SYNPR: variants seen among roughly 807,000 people sequenced by gnomAD.
SYNPR encodes the protein synaptoporin.
In SYNPR, 23 loss-of-function variants were observed where a neutral mutation model predicts 32.9. The observed-to-expected ratio is 0.70, with a 90% confidence interval of 0.50 to 0.99. The LOEUF is 0.99. SYNPR is among the 50% of genes least tolerant of loss of function. SYNPR has a pLI of 0.00. For missense variants in SYNPR, 318 were observed against 349.3 expected, an observed-to-expected ratio of 0.91 and a Z score of 0.71; for synonymous variants, 146 against 135.9, an observed-to-expected ratio of 1.07 and a Z score of -0.52.
chr3:63,433,133 G>T (rs1700022345), intron 2 of SYNPR, among the ~76,000 whole-genome samples: 1 of 152,194 alleles, frequency 6.6e-6, no homozygotes, highest in Admixed American at 6.5e-5. Context: ...AGCTTTTTCT[G>T]AATAGGGTCT....
At chr3:63,565,729 C>T (rs1479392340) in intron 4 of SYNPR, among the ~76,000 whole-genome samples, 1 of 152,150 alleles carries the variant, frequency 6.6e-6, no homozygotes, top group Non-Finnish European at 1.5e-5. Context: ...CAATGAGGCA[C>T]CATCTTGGAG....
intron 2 of SYNPR, among the ~76,000 whole-genome samples, chr3:63,369,104 T>A (rs2087764889): frequency 1.3e-5 from 2 of 152,136 alleles, no homozygotes; most frequent in Admixed American, 6.5e-5. Flanking sequence ...ATGAGGCCCT[T>A]AGAGTGGGAA....
intron 2 of SYNPR, among the ~76,000 whole-genome samples, chr3:63,288,746 A>T (rs993460216): frequency 6.6e-6 from 1 of 152,090 alleles, no homozygotes; most frequent in Non-Finnish European, 1.5e-5. Flanking sequence ...TATTATATTC[A>T]TTTCTTGTGT....
chr3:63,276,901 ACC>A (rs75226584), upstream of SYNPR, among the ~76,000 whole-genome samples: 44,539 of 130,654 alleles, frequency 0.34, 7,847 homozygotes, highest in Non-Finnish European at 0.43. Flanking sequence ...TCAAATACCC[ACC>A]CCCCCCACCA....
the SYNPR span, among the ~76,000 whole-genome samples, chr3:63,211,172 A>C: frequency 1.2e-4 from 19 of 152,154 alleles, no homozygotes; most frequent in Non-Finnish European, 2.2e-4. Flanking sequence ...GGGTTCAAGC[A>C]GTTCCCTGCC....
At chr3:63,221,042 G>A in the SYNPR span, among the ~76,000 whole-genome samples, 1 of 152,110 alleles carries the variant, frequency 6.6e-6, no homozygotes, top group East Asian at 1.9e-4. Flanking sequence ...TGATTGATAG[G>A]AGCATGGGAA....
chr3:63,495,892 A>T (rs1343261654), intron 3 of SYNPR, among the ~76,000 whole-genome samples: 1 of 152,098 alleles, frequency 6.6e-6, no homozygotes, highest in Non-Finnish European at 1.5e-5. Flanking sequence ...TGTCCTTATA[A>T]ATTTCTCCAA....
In SYNPR at chr3:63,278,660, G is replaced by A. The variant is rs542294067; in HGVS notation, c.19-17G>A. 5.3e-3 allele frequency: 8,276 copies of A among 1,551,576 alleles called. 34 individuals carry two copies. The highest frequency in any genetic ancestry group is 0.015 in the South Asian group (1,231 of 84,062). ...CCTCACGCTTTGCTTTCTCTCTCTC[G>A]CCTCATTCCCCCAAAGCTGGCCTCT... is the stretch of plus-strand genomic sequence containing the variant. On this transcript the variant is annotated splice_polypyrimidine_tract_variant and intron_variant, in intron 1 of 5. Coordinates refer to ENST00000478300, the MANE Select transcript of SYNPR (RefSeq NM_001130003.2).
intron 3 of SYNPR, among the ~76,000 whole-genome samples, chr3:63,514,219 G>A (rs1008739062): frequency 6.6e-6 from 1 of 152,118 alleles, no homozygotes; most frequent in Admixed American, 6.6e-5. Context: ...AGTCACCATT[G>A]GGCCAGACAG....
chr3:63,269,971 G>C (rs1250760971), intron 3 of SYNPR, among the ~76,000 whole-genome samples: 1 of 152,186 alleles, frequency 6.6e-6, no homozygotes, highest in Non-Finnish European at 1.5e-5. Flanking sequence ...AGGCTTCTAA[G>C]ATTAGAAACA....
intron 2 of SYNPR, among the ~76,000 whole-genome samples, chr3:63,283,623 C>CTTTTT (rs10650958): frequency 9.9e-5 from 11 of 111,526 alleles, no homozygotes; most frequent in African/African-American, 1.4e-4. Context: ...ACAGATAATT[C>CTTTTT]TTTTTTTTTT....
At chr3:63,304,621 T>G (rs2086891536) in intron 2 of SYNPR, among the ~76,000 whole-genome samples, 1 of 151,920 alleles carries the variant, frequency 6.6e-6, no homozygotes, top group African/African-American at 2.4e-5. Flanking sequence ...GAGAATCATA[T>G]GAATGACTCA....
intron 3 of SYNPR, among the ~76,000 whole-genome samples, chr3:63,514,051 T>A (rs1701747055): frequency 6.6e-6 from 1 of 152,142 alleles, no homozygotes; most frequent in East Asian, 1.9e-4. Context: ...AGAAATGCAG[T>A]GAGCAATATC....
At chr3:63,369,045 A>G (rs2087764573) in intron 2 of SYNPR, among the ~76,000 whole-genome samples, 1 of 152,184 alleles carries the variant, frequency 6.6e-6, no homozygotes, top group African/African-American at 2.4e-5. Flanking sequence ...ATATCTCAGA[A>G]TGTCACTGTA....
At chr3:63,292,598 C>A (rs1377394772) in intron 2 of SYNPR, among the ~76,000 whole-genome samples, 1 of 152,172 alleles carries the variant, frequency 6.6e-6, no homozygotes, top group Non-Finnish European at 1.5e-5. Context: ...ATAATGATAA[C>A]TAGCAGGCAT....
chr3:63,531,223 C>T (rs1341307162), intron 3 of SYNPR, among the ~76,000 whole-genome samples: 4 of 152,132 alleles, frequency 2.6e-5, no homozygotes, highest in African/African-American at 7.2e-5. Flanking sequence ...CATAACAAAG[C>T]ATCACAAACT....
intron 2 of SYNPR, among the ~76,000 whole-genome samples, chr3:63,299,795 A>G (rs2086825112): frequency 6.6e-6 from 1 of 152,174 alleles, no homozygotes; most frequent in African/African-American, 2.4e-5. Context: ...GCAGTTTGTA[A>G]TCAATGCTGA....
At chr3:63,506,364 G>T (rs1423735621) in intron 3 of SYNPR, among the ~76,000 whole-genome samples, 1 of 152,114 alleles carries the variant, frequency 6.6e-6, no homozygotes, top group African/African-American at 2.4e-5. Flanking sequence ...GTTATTAATT[G>T]TATGCCACAA....
chr3:63,510,208 T>C (rs1453818161), intron 3 of SYNPR, among the ~76,000 whole-genome samples: 1 of 152,180 alleles, frequency 6.6e-6, no homozygotes, highest in Non-Finnish European at 1.5e-5. Flanking sequence ...AAAGCAGATA[T>C]TCACAAGGTA....
Sources: gnomAD v4.1 joint callset for allele counts (sites outside exome capture counted in the v4.1 genomes callset) on GRCh38, gnomAD v4.1.1 for gene constraint, MANE v1.5 for transcripts, NCBI Gene and HGNC (gene_info 2026-07-23, HGNC 2026-07-21) for gene names.